CALN1: variants seen among roughly 807,000 people sequenced by gnomAD.
The protein encoded by CALN1 is calcium-binding protein 8.
CALN1 carries 17 observed loss-of-function variants against 30.6 expected under a neutral mutation model. That is an observed-to-expected ratio of 0.56 (90% confidence interval 0.38 to 0.83). CALN1 has a LOEUF of 0.83. CALN1 is among the 40% of genes least tolerant of loss of function. The pLI is 0.00. For missense variants in CALN1, 291 were observed against 354.9 expected, an observed-to-expected ratio of 0.82 and a Z score of 1.45; for synonymous variants, 156 against 131.4, an observed-to-expected ratio of 1.19 and a Z score of -1.28.
At chr7:72,125,556 T>C (rs1808691516) in intron 3 of CALN1, among the ~76,000 whole-genome samples, 5 of 152,144 alleles carry the variant, frequency 3.3e-5, no homozygotes, top group Admixed American at 3.3e-4. Context: ...AAGAGTAAAG[T>C]AGACAGCGGT....
rs181615723 is a variant in CALN1, at chr7:72,271,367, A to G, written c.244+7319T>C. Among the ~76,000 whole-genome samples the G allele has an allele frequency of 1.0e-3, 157 of 151,738 alleles. 1 individual carries two copies. The highest frequency in any genetic ancestry group is 3.7e-3 in the African/African-American group (151 of 41,300). ...TCTTTTTTAAAAATTTCACATCTAT[A>G]GAGGTTTAGGAATGCATGGTGAATA... On this transcript the variant is annotated intron_variant, in intron 3 of 6. Transcript: ENST00000395275.
chr7:71,982,671 A>T (rs1798462389), intron 5 of CALN1, among the ~76,000 whole-genome samples: 1 of 152,192 alleles, frequency 6.6e-6, no homozygotes, highest in Admixed American at 6.5e-5. Flanking sequence ...CTTCCAAACC[A>T]AGGAAGTGAA....
chr7:72,088,688 G>C (rs1423185357), intron 4 of CALN1, among the ~76,000 whole-genome samples: 39 of 130,386 alleles, frequency 3.0e-4, no homozygotes. Flanking sequence ...GACAGAGTGA[G>C]ACTCCATCTC....
chr7:72,116,124 G>A (rs945348722), intron 3 of CALN1, among the ~76,000 whole-genome samples: 1 of 152,102 alleles, frequency 6.6e-6, no homozygotes, highest in African/African-American at 2.4e-5. Context: ...TTTGAGGTGT[G>A]ACTGCATCTA....
At chr7:72,373,419 T>C (rs1440980550) in intron 2 of CALN1, among the ~76,000 whole-genome samples, 2 of 152,242 alleles carry the variant, frequency 1.3e-5, no homozygotes, top group African/African-American at 4.8e-5. Context: ...TTAGGATTTT[T>C]TGACTTCAAA....
At chr7:71,816,188 G>A (rs1788255513) in intron 5 of CALN1, among the ~76,000 whole-genome samples, 1 of 152,008 alleles carries the variant, frequency 6.6e-6, no homozygotes, top group Admixed American at 6.6e-5. Context: ...ATTAAATTGG[G>A]ATATTGAATC....
chr7:71,991,782 G>A (rs1473505177), intron 5 of CALN1, among the ~76,000 whole-genome samples: 1 of 152,116 alleles, frequency 6.6e-6, no homozygotes, highest in Non-Finnish European at 1.5e-5. Flanking sequence ...TGCCATTTGT[G>A]GTATGGCCAG....
intron 3 of CALN1, among the ~76,000 whole-genome samples, chr7:72,220,905 G>T (rs1375247998): frequency 6.6e-6 from 1 of 151,940 alleles, no homozygotes; most frequent in African/African-American, 2.4e-5. Context: ...TTTTTTTCTT[G>T]TAAATTTGTT....
chr7:71,847,604 C>T (rs1190109025), intron 5 of CALN1, among the ~76,000 whole-genome samples: 4 of 151,372 alleles, frequency 2.6e-5, no homozygotes, highest in Non-Finnish European at 5.9e-5. Flanking sequence ...ATCTCTTGAA[C>T]CCAGGGGGCA....
chr7:72,100,830 A>G (rs1163599916), intron 4 of CALN1, among the ~76,000 whole-genome samples: 1 of 151,384 alleles, frequency 6.6e-6, no homozygotes, highest in Non-Finnish European at 1.5e-5. Flanking sequence ...ACAAAAAAAA[A>G]AAAAAAAAAA....
intron 3 of CALN1, among the ~76,000 whole-genome samples, chr7:72,170,234 C>T (rs1471280654): frequency 1.3e-5 from 2 of 152,130 alleles, no homozygotes; most frequent in Non-Finnish European, 2.9e-5. Context: ...CCTGCTCAAC[C>T]CTTCAAGTGG....
chr7:71,881,628 C>T (rs945919650), intron 5 of CALN1, among the ~76,000 whole-genome samples: 2 of 152,106 alleles, frequency 1.3e-5, no homozygotes, highest in African/African-American at 4.8e-5. Context: ...ATTCACGCTC[C>T]GATTAGAGCT....
intron 3 of CALN1, among the ~76,000 whole-genome samples, chr7:72,193,446 T>C (rs1790767999): frequency 6.6e-6 from 1 of 152,150 alleles, no homozygotes; most frequent in Admixed American, 6.6e-5. Flanking sequence ...CAGGTCCAGA[T>C]GCCATTGTAG....
chr7:71,908,332 A>T (rs1562890677), intron 5 of CALN1, among the ~76,000 whole-genome samples: 1 of 151,914 alleles, frequency 6.6e-6, no homozygotes, highest in Non-Finnish European at 1.5e-5. Context: ...TTTAAAAAAA[A>T]TTTGGAATTA....
chr7:72,431,324 A>G (rs754420064), intron 1 of CALN1, among the ~76,000 whole-genome samples: 1 of 152,108 alleles, frequency 6.6e-6, no homozygotes, highest in African/African-American at 2.4e-5. Flanking sequence ...CAACATGAAA[A>G]TTACAAAAAA....
In CALN1 at chr7:72,342,258, C is replaced by A. The variant is rs1360651266; in HGVS notation, c.119+60993G>T. Among the ~76,000 whole-genome samples, 649 of 126,506 alleles carry A rather than the reference C, an allele frequency of 5.1e-3. 1 individual carries two copies. Among genetic ancestry groups the A allele is most frequent in the Non-Finnish European group, 7.9e-3 (464 of 59,016 alleles). The allele number at this position is 126,506 out of a possible 152,430, so 83.0% of individuals were successfully genotyped here. A position where few individuals can be genotyped will look rare whatever the true frequency, so the allele number is the denominator to read the frequency against. On this transcript the variant is annotated intron_variant, in intron 2 of 6. Coordinates refer to ENST00000395275, the MANE Select transcript of CALN1 (RefSeq NM_031468.4). ...TGGGTGAAAGACCAAGACTTTGTCT[C>A]AAAAAAAAAAAAAAAAAATCAGAAA...
intron 2 of CALN1, among the ~76,000 whole-genome samples, chr7:72,372,402 T>G (rs769123748): frequency 3.0e-4 from 45 of 152,104 alleles, no homozygotes; most frequent in Non-Finnish European, 7.4e-5. Context: ...TGCAGCAGAT[T>G]GGGGTTAACT....
intron 1 of CALN1, among the ~76,000 whole-genome samples, chr7:72,436,334 G>A (rs749269707): frequency 3.3e-5 from 5 of 152,190 alleles, no homozygotes; most frequent in Non-Finnish European, 5.9e-5. Flanking sequence ...TTTATAAGGG[G>A]GAGTTGCCCT....
the CALN1 span, among the ~76,000 whole-genome samples, chr7:72,503,281 C>A: frequency 6.6e-6 from 1 of 152,122 alleles, no homozygotes; most frequent in Non-Finnish European, 1.5e-5. Context: ...ATTTCCATTG[C>A]AGTGCCCTGA....
Sources: gnomAD v4.1 joint callset for allele counts (sites outside exome capture counted in the v4.1 genomes callset) on GRCh38, gnomAD v4.1.1 for gene constraint, MANE v1.5 for transcripts, NCBI Gene and HGNC (gene_info 2026-07-23, HGNC 2026-07-21) for gene names.